The following CTNNA3 variants were observed in gnomAD, a reference collection of about 807,000 sequenced individuals.
CTNNA3 encodes catenin alpha 3, also known as catenin alpha-3.
CTNNA3 carries 76 observed loss-of-function variants against 95.7 expected under a neutral mutation model. That is an observed-to-expected ratio of 0.79 (90% CI 0.66 to 0.96). The LOEUF is 0.96. Ranked by LOEUF, CTNNA3 falls within the 40% of genes least tolerant of loss-of-function variation. The pLI, the probability that CTNNA3 is intolerant of heterozygous loss-of-function variation, is 0.00. For synonymous variants in CTNNA3, 431 were observed against 374.4 expected (o/e 1.15, Z -1.74); for missense variants, 1,191 against 1,089.8 (o/e 1.09, Z -1.31).
At chr10:66,420,268 T>C (rs954913318) in intron 11 of CTNNA3, among the ~76,000 whole-genome samples, 2 of 152,030 alleles carry the variant, frequency 1.3e-5, no homozygotes, top group South Asian at 2.1e-4. Context: ...GGCCAACAGG[T>C]ACATGGAAAA....
intron 7 of CTNNA3, among the ~76,000 whole-genome samples, chr10:66,829,966 C>T (rs1427259917): frequency 1.3e-5 from 2 of 151,892 alleles, no homozygotes; most frequent in African/African-American, 4.8e-5. Flanking sequence ...CCCGGGTTCA[C>T]GCCATTCTCC....
chr10:67,746,253 C>A lies in CTNNA3; in HGVS notation c.-2+17181G>T, dbSNP rs141094068. 2.4e-4 allele frequency among the ~76,000 whole-genome samples: 36 copies of A among 152,140 alleles called. No homozygotes were observed. In the East Asian group the frequency reaches 6.4e-3, roughly 27 times the overall value. ...AGACCAGTGGAACAGCATAGAGAAC[C>A]CACATGTAAATTTATGCATTTACAG... On this transcript the variant is annotated intron_variant, in intron 1 of 17. Coordinates refer to the CTNNA3 transcript ENST00000684154.
chr10:66,095,574 T>G, intron 14 of CTNNA3, among the ~76,000 whole-genome samples: 2 of 152,090 alleles, frequency 1.3e-5, no homozygotes, highest in East Asian at 3.9e-4. Flanking sequence ...TGTTTTTAAT[T>G]TTTAGAGTAA....
intron 1 of CTNNA3, among the ~76,000 whole-genome samples, chr10:67,756,467 T>C: frequency 1.3e-5 from 2 of 152,190 alleles, no homozygotes; most frequent in South Asian, 4.1e-4. Flanking sequence ...TCAATAAAAA[T>C]AAATAATTTT....
intron 9 of CTNNA3, among the ~76,000 whole-genome samples, chr10:66,733,906 C>T (rs1385730147): frequency 6.6e-6 from 1 of 151,676 alleles, no homozygotes; most frequent in East Asian, 1.9e-4. Flanking sequence ...TCTAAGAGTG[C>T]TGTACATATT....
At chr10:67,212,082 G>A (rs1195753893) in intron 6 of CTNNA3, among the ~76,000 whole-genome samples, 1 of 151,932 alleles carries the variant, frequency 6.6e-6, no homozygotes, top group African/African-American at 2.4e-5. Flanking sequence ...AATATAAACA[G>A]TACATTGTTG....
intron 16 of CTNNA3, among the ~76,000 whole-genome samples, chr10:65,975,024 T>C (rs1198603676): frequency 6.6e-6 from 1 of 152,058 alleles, no homozygotes; most frequent in Non-Finnish European, 1.5e-5. Context: ...TAAGCTGGAG[T>C]GTTTTTGGAA....
chr10:66,889,228 G>A (rs779057096), intron 7 of CTNNA3, among the ~76,000 whole-genome samples: 42 of 152,226 alleles, frequency 2.8e-4, no homozygotes, highest in Non-Finnish European at 4.4e-4. Flanking sequence ...GGGTAGGAGA[G>A]AGGGATGAAT....
intron 14 of CTNNA3, among the ~76,000 whole-genome samples, chr10:66,085,368 A>G (rs902948407): frequency 6.6e-6 from 1 of 152,174 alleles, no homozygotes; most frequent in African/African-American, 2.4e-5. Flanking sequence ...GTTTGTTGGT[A>G]TAATTTAACC....
At chr10:66,504,634 C>G (rs898683063) in intron 11 of CTNNA3, among the ~76,000 whole-genome samples, 1 of 152,106 alleles carries the variant, frequency 6.6e-6, no homozygotes, top group Non-Finnish European at 1.5e-5. Flanking sequence ...AATCCTTCAT[C>G]TAATCTATAA....
rs1427524081 is a variant in CTNNA3 at position 66,360,654 on chromosome 10, TCTTTCTTCCTTCCTTCCTTCCTTC to T, written c.1732+18474_1732+18497del. 1.5e-4 allele frequency among the ~76,000 whole-genome samples: 9 copies of T among 59,610 alleles called. No individual in the cohort carries two copies. In the South Asian group the frequency reaches 4.2e-3, roughly 28 times the overall value. The allele number at this position is 59,610 out of a possible 152,430, so 39.1% of individuals were successfully genotyped here. A position where few individuals can be genotyped will look rare whatever the true frequency, so the allele number is the denominator to read the frequency against. On this transcript the variant is annotated intron_variant, in intron 12 of 17. Transcript: ENST00000433211. The stretch of plus-strand genomic sequence containing the variant: ...TTCTTTCTTTCTTTCTTTCTTTCTT[TCTTTCTTCCTTCCTTCCTTCCTTC>T]CTTCCTTCCTTCCTTTTCTTTCTTT...
intron 7 of CTNNA3, among the ~76,000 whole-genome samples, chr10:66,965,678 A>C (rs1589507854): frequency 6.6e-6 from 1 of 152,094 alleles, no homozygotes; most frequent in Admixed American, 6.6e-5. Flanking sequence ...ATTGTCCCAA[A>C]GCAAAACTGT....
intron 7 of CTNNA3, among the ~76,000 whole-genome samples, chr10:67,011,270 G>C (rs182485363): frequency 2.0e-5 from 3 of 151,124 alleles, no homozygotes; most frequent in African/African-American, 7.3e-5. Flanking sequence ...GAACCCAGCA[G>C]ACGGAGGTTG....
intron 7 of CTNNA3, among the ~76,000 whole-genome samples, chr10:67,116,744 AAT>A (rs1441716537): frequency 1.4e-5 from 2 of 141,592 alleles, no homozygotes; most frequent in Non-Finnish European, 3.1e-5. Flanking sequence ...ATATATATAT[AAT>A]ATATAAAATA....
At chr10:66,406,414 G>A (rs976617067) in intron 11 of CTNNA3, among the ~76,000 whole-genome samples, 18 of 152,116 alleles carry the variant, frequency 1.2e-4, no homozygotes, top group Admixed American at 6.5e-4. Flanking sequence ...TGTTCTATAA[G>A]CTTTCTTGCT....
intron 7 of CTNNA3, among the ~76,000 whole-genome samples, chr10:66,845,715 A>AT (rs1843233801): frequency 2.9e-5 from 2 of 68,744 alleles, no homozygotes; most frequent in African/African-American, 8.9e-5. Context: ...AAAAAAAAAA[A>AT]AAAAAAAAAA....
At chr10:66,190,240 A>C (rs1218303625) in intron 13 of CTNNA3, among the ~76,000 whole-genome samples, 1 of 152,140 alleles carries the variant, frequency 6.6e-6, no homozygotes, top group African/African-American at 2.4e-5. Flanking sequence ...CTCATCAAAA[A>C]CCATAGAGGC....
intron 15 of CTNNA3, among the ~76,000 whole-genome samples, chr10:66,060,258 CA>C (rs1042200137): frequency 2.6e-5 from 4 of 151,396 alleles, no homozygotes; most frequent in Admixed American, 1.3e-4. Flanking sequence ...AGAGGGAGAG[CA>C]AAAAACGGGG....
At chr10:67,673,475 C>T (rs1016929093) in intron 1 of CTNNA3, among the ~76,000 whole-genome samples, 3 of 151,958 alleles carry the variant, frequency 2.0e-5, no homozygotes, top group Non-Finnish European at 4.4e-5. Context: ...TTTGCCCATT[C>T]GGTATGATAT....
Sources: gnomAD v4.1 joint callset for allele counts (sites outside exome capture counted in the v4.1 genomes callset) on GRCh38, gnomAD v4.1.1 for gene constraint, MANE v1.5 for transcripts, NCBI Gene and HGNC (gene_info 2026-07-23, HGNC 2026-07-21) for gene names.